The following CPXM2 variants were observed in gnomAD, a reference collection of about 807,000 sequenced individuals.
CPXM2 encodes the protein carboxypeptidase X, M14 family member 2, also known as inactive carboxypeptidase-like protein X2.
In CPXM2, 66 loss-of-function variants were observed where a neutral mutation model predicts 86.1. The ratio of observed to expected loss-of-function variants is 0.77; its 90% CI spans 0.63 to 0.94. The LOEUF (loss-of-function observed/expected upper bound fraction) is 0.94. Ranked by LOEUF, CPXM2 falls within the 40% of genes least tolerant of loss-of-function variation. The pLI is 0.00. For synonymous variants in CPXM2, 388 were observed against 400.2 expected (o/e 0.97, Z 0.36); for missense variants, 948 against 1,026.3 (o/e 0.92, Z 1.04).
chr10:123,807,631 T>C (rs1847608442), intron 4 of CPXM2, among the ~76,000 whole-genome samples: 1 of 152,108 alleles, frequency 6.6e-6, no homozygotes, highest in Non-Finnish European at 1.5e-5. Context: ...GTACAGCAAG[T>C]CGTGGGAGGG....
At chr10:123,936,113 A>T (rs1182507926) in intron 2 of CPXM2, among the ~76,000 whole-genome samples, 2 of 938 alleles carry the variant, frequency 2.1e-3, no homozygotes, top group African/African-American at 7.7e-3. Context: ...TCATCTATTG[A>T]TATTAAACTT....
intron 4 of CPXM2, among the ~76,000 whole-genome samples, chr10:123,817,450 G>A (rs1304828995): frequency 1.3e-5 from 2 of 152,180 alleles, no homozygotes; most frequent in Non-Finnish European, 2.9e-5. Flanking sequence ...CACTTGGCCT[G>A]TTACTGGGCT....
intron 2 of CPXM2, among the ~76,000 whole-genome samples, chr10:123,901,576 A>G (rs1407242343): frequency 6.6e-6 from 1 of 152,084 alleles, no homozygotes; most frequent in Non-Finnish European, 1.5e-5. Context: ...AAGTTCAAAT[A>G]TCTGATGCTT....
At chr10:123,911,073 T>A (rs1202737365) in intron 2 of CPXM2, among the ~76,000 whole-genome samples, 1 of 152,216 alleles carries the variant, frequency 6.6e-6, no homozygotes, top group South Asian at 2.1e-4. Flanking sequence ...AAGGACCTCA[T>A]CTTATCTTGA....
chr10:123,923,750 G>A (rs908740955), intron 2 of CPXM2, among the ~76,000 whole-genome samples: 4 of 152,168 alleles, frequency 2.6e-5, no homozygotes, highest in Non-Finnish European at 5.9e-5. Context: ...AATCATAGGG[G>A]TGGTTTCCTT....
chr10:123,891,560 C>A lies in CPXM2; in HGVS notation c.100G>T (p.Asp34Tyr). Residue 34 changes from aspartate (D) to tyrosine (Y), a missense_variant, in exon 1 of 14, where the codon GAT becomes TAT. Physicochemically the swap from Asp to Tyr is radical, Grantham distance 160. Coordinates refer to ENST00000241305, the MANE Select transcript of CPXM2 (RefSeq NM_198148.3). This position sits in a 1 kb window ranked among gnomAD's most constrained non-coding sequence, Gnocchi z 5.6. ...CTCCAGATCTCCTGCCCGTAATAAT[C>A]AGGGTCCTCGAGGGCTGCGCCCTGG... ...GAQGAALEDPDYYGQEIWSRE... is the reference protein window; with the variant it reads ...GAQGAALEDPYYYGQEIWSRE... 2 of 1,547,482 alleles carry A rather than the reference C, an allele frequency of 1.3e-6. No homozygotes were observed. Among genetic ancestry groups the A allele is most frequent in the Non-Finnish European group, 1.7e-6 (2 of 1,145,216 alleles).
chr10:123,938,251 C>T (rs150591821), intron 2 of CPXM2, among the ~76,000 whole-genome samples: 45 of 152,294 alleles, frequency 3.0e-4, no homozygotes, highest in African/African-American at 1.0e-3. Context: ...TTCTGACAAG[C>T]TCCTGGATGA....
Position 123,852,542 on chromosome 10 carries a change from C to T in CPXM2, c.514-10054G>A, listed in dbSNP as rs1267699305. ...AGTCAACACAGTGACTAGGTTGATC[C>T]GTTTCACATGTAAGCCACAGCATGT... On this transcript the variant is annotated intron_variant, in intron 3 of 13. Coordinates refer to ENST00000241305, the MANE Select transcript of CPXM2 (RefSeq NM_198148.3). Among the ~76,000 whole-genome samples the T allele has an allele frequency of 3.9e-5, 6 of 152,202 alleles. No individual in the cohort carries two copies. In the East Asian group the frequency reaches 9.6e-4, roughly 24 times the overall value.
At chr10:123,825,186 T>C (rs1415846055) in intron 4 of CPXM2, among the ~76,000 whole-genome samples, 1 of 152,166 alleles carries the variant, frequency 6.6e-6, no homozygotes. Flanking sequence ...CCTCACACCA[T>C]GTGCTCTATC....
At chr10:123,932,570 G>A (rs535491730) in intron 2 of CPXM2, among the ~76,000 whole-genome samples, 31 of 152,326 alleles carry the variant, frequency 2.0e-4, no homozygotes, top group South Asian at 6.2e-4. Flanking sequence ...CCTTCTGTAC[G>A]GACAGGCTCT....
intron 4 of CPXM2, among the ~76,000 whole-genome samples, chr10:123,821,181 G>A (rs536056310): frequency 2.6e-5 from 4 of 152,290 alleles, no homozygotes; most frequent in South Asian, 4.1e-4. Flanking sequence ...GAAAGCCACA[G>A]CCACAAAAAT....
At chr10:123,892,994 T>G (rs911421924), upstream of CPXM2, among the ~76,000 whole-genome samples, 1 of 152,160 alleles carries the variant, frequency 6.6e-6, no homozygotes, top group Non-Finnish European at 1.5e-5. Flanking sequence ...CTAGAGAAAA[T>G]TCTGTGCTTT....
chr10:123,771,828 G>T (rs897393672), intron 7 of CPXM2, among the ~76,000 whole-genome samples: 2 of 152,034 alleles, frequency 1.3e-5, no homozygotes, highest in Non-Finnish European at 2.9e-5. Context: ...TTTATTAAGG[G>T]GCTTCCCCCT....
chr10:123,750,975 G>C lies in CPXM2; in HGVS notation c.2017+3688C>G, dbSNP rs532729732. The C allele has an allele frequency of 3.0e-4, 294 of 985,428 alleles. 1 individual carries two copies. In the South Asian group the frequency reaches 3.1e-3, roughly 10 times the overall value. 61.0% of individuals were successfully genotyped at this position (985,428 alleles called of 1,614,324 possible). Reference sequence around the variant, plus strand: ...AAAGCAGGAGATGCAGTGTTGGGCTGTTGTCCCCATGAGTGCTCAGGTCTG... The same window carrying C: ...AAAGCAGGAGATGCAGTGTTGGGCTCTTGTCCCCATGAGTGCTCAGGTCTG... On this transcript the variant is annotated intron_variant, in intron 13 of 13. Transcript: ENST00000241305.
intron 2 of CPXM2, among the ~76,000 whole-genome samples, chr10:123,905,536 C>G (rs189866069): frequency 2.0e-4 from 30 of 152,286 alleles, no homozygotes; most frequent in Admixed American, 1.7e-3. Flanking sequence ...AGCTCTGAAG[C>G]TTTCAGTCCA....
At chr10:123,861,413 T>C (rs1848846304) in intron 3 of CPXM2, among the ~76,000 whole-genome samples, 1 of 152,154 alleles carries the variant, frequency 6.6e-6, no homozygotes, top group African/African-American at 2.4e-5. Flanking sequence ...AGGAACAAAA[T>C]GCCCTGGGGA....
At chr10:123,823,917 A>G (rs1378593679) in intron 4 of CPXM2, among the ~76,000 whole-genome samples, 5 of 152,218 alleles carry the variant, frequency 3.3e-5, no homozygotes, top group Non-Finnish European at 7.3e-5. Context: ...ATGGGCCACC[A>G]TGTTTTATTA....
At chr10:123,843,993 C>A (rs181838127) in intron 3 of CPXM2, among the ~76,000 whole-genome samples, 35 of 152,236 alleles carry the variant, frequency 2.3e-4, no homozygotes, top group Admixed American at 9.8e-4. Context: ...TCAGTTCTTT[C>A]TGAGCACACT....
At chr10:123,927,067 C>T (rs111925088) in intron 2 of CPXM2, among the ~76,000 whole-genome samples, 36 of 152,296 alleles carry the variant, frequency 2.4e-4, no homozygotes, top group African/African-American at 7.9e-4. Flanking sequence ...TGAAGCTCTG[C>T]CAACCTTCTC....
Sources: allele counts gnomAD v4.1 joint callset (sites outside exome capture counted in the v4.1 genomes callset), GRCh38; gene constraint gnomAD v4.1.1; non-coding constraint Gnocchi (gnomAD v3.1); transcripts MANE v1.5; gene names NCBI Gene and HGNC (gene_info 2026-07-23, HGNC 2026-07-21).